The following CSNK1G2 variants were observed in gnomAD, a reference collection of about 807,000 sequenced individuals.
CSNK1G2 encodes casein kinase I isoform gamma-2.
Under a neutral mutation model 48.0 loss-of-function variants are expected in CSNK1G2, and 11 were observed. The ratio of observed to expected loss-of-function variants is 0.23; its 90% CI spans 0.14 to 0.38. The LOEUF is 0.38. Among genes scored for constraint, CSNK1G2 ranks in the 10% least tolerant of loss-of-function variants. The pLI is 1.00. For synonymous variants in CSNK1G2, 337 were observed against 254.1 expected, an observed-to-expected ratio of 1.33 and a Z score of -3.10; for missense variants, 446 against 595.5, an observed-to-expected ratio of 0.75 and a Z score of 2.61.
intron 1 of CSNK1G2, among the ~76,000 whole-genome samples, chr19:1,955,039 G>T (rs759645574): frequency 6.6e-6 from 1 of 152,148 alleles, no homozygotes; most frequent in Admixed American, 6.5e-5. Flanking sequence ...TCCAGGCCCC[G>T]GCCTTGTCTG....
chr19:1,958,026 GCGTCCTGA>G (rs1404826962), intron 1 of CSNK1G2, among the ~76,000 whole-genome samples: 1 of 152,114 alleles, frequency 6.6e-6, no homozygotes, highest in African/African-American at 2.4e-5. Flanking sequence ...GTGTTGGGAC[GCGTCCTGA>G]CGACGGCACT....
chr19:1,950,709 C>T (rs957579387), intron 1 of CSNK1G2, among the ~76,000 whole-genome samples: 3 of 145,408 alleles, frequency 2.1e-5, no homozygotes, highest in Middle Eastern at 3.4e-3. Flanking sequence ...CACCAAGGCA[C>T]CTTCTCGTGC....
intron 1 of CSNK1G2, among the ~76,000 whole-genome samples, chr19:1,948,702 G>A (rs11881644): frequency 0.13 from 19,326 of 152,124 alleles, 1,516 homozygotes; most frequent in East Asian, 0.21. Context: ...TTTTTGTACA[G>A]CTGACCCTTG....
Position 1,969,628 on chromosome 19 carries a change from C to T in CSNK1G2, c.-145C>T. On this transcript the variant is annotated 5_prime_UTR_variant, in exon 2 of 12. The change creates a premature stop within an existing upstream ORF in the 5' untranslated region. Coordinates refer to ENST00000255641, the MANE Select transcript of CSNK1G2 (RefSeq NM_001319.7). ...CTGGCCGGCCCGAACGCCTGCGTCT[C>T]AGTAGCTGGGAGCCACGGGCCCACG... 1.5e-6 allele frequency: 1 copy of T among 679,166 alleles called. No individual in the cohort carries two copies. The highest frequency in any genetic ancestry group is 3.4e-5 in the East Asian group (1 of 29,092). 42.1% of individuals were successfully genotyped at this position (679,166 alleles called of 1,614,324 possible). A position where few individuals can be genotyped will look rare whatever the true frequency, so the allele number is the denominator to read the frequency against.
intron 1 of CSNK1G2, among the ~76,000 whole-genome samples, chr19:1,955,121 C>T (rs540649154): frequency 5.9e-5 from 9 of 152,304 alleles, no homozygotes; most frequent in South Asian, 2.1e-4. Context: ...TGGTGATGGA[C>T]GGGTGCTGGG....
Position 1,979,959 on chromosome 19 carries a change from G to C in CSNK1G2, c.1135G>C (p.Gly379Arg). The C allele has an allele frequency of 6.3e-7, 1 of 1,597,028 alleles. No homozygotes were observed. Among genetic ancestry groups the C allele is most frequent in the Non-Finnish European group, 8.5e-7 (1 of 1,170,948 alleles). ...GCTGAATGCGGACGACCCCACGGCC[G>C]GCCACTCCAACGCCCCGATCACAGC... Reference protein sequence around the residue: ...GELNADDPTAGHSNAPITAPA... With the variant: ...GELNADDPTARHSNAPITAPA... The change falls in exon 11 of 12, where the codon GGC becomes CGC. Residue 379 changes from glycine (G) to arginine (R), a missense_variant. By Grantham distance (125) the Gly-to-Arg change is moderately radical (BLOSUM62 -2). Coordinates refer to ENST00000255641, the MANE Select transcript of CSNK1G2 (RefSeq NM_001319.7).
intron 1 of CSNK1G2, among the ~76,000 whole-genome samples, chr19:1,964,469 G>GCGGTTC (rs2015301640): frequency 6.6e-6 from 1 of 152,122 alleles, no homozygotes; most frequent in Non-Finnish European, 1.5e-5. Flanking sequence ...TGTGGAAGAA[G>GCGGTTC]CGGTTCCCTG....
At chr19:1,966,679 A>G (rs1333019644) in intron 1 of CSNK1G2, among the ~76,000 whole-genome samples, 1 of 152,138 alleles carries the variant, frequency 6.6e-6, no homozygotes, top group Non-Finnish European at 1.5e-5. Context: ...GAAATCTTTC[A>G]TGAAAGGAAG....
chr19:1,973,775 A>C (rs2015657554), intron 2 of CSNK1G2, among the ~76,000 whole-genome samples: 1 of 152,172 alleles, frequency 6.6e-6, no homozygotes, highest in South Asian at 2.1e-4. Flanking sequence ...TCCCATGTGC[A>C]CATTCACTTT....
chr19:1,946,503 G>A (rs1392928022), intron 1 of CSNK1G2, among the ~76,000 whole-genome samples: 1 of 151,190 alleles, frequency 6.6e-6, no homozygotes, highest in Admixed American at 6.6e-5. Flanking sequence ...GTGTTAGCCA[G>A]GATGGTCTCG....
chr19:1,966,879 T>C (rs2015381464), intron 1 of CSNK1G2, among the ~76,000 whole-genome samples: 1 of 152,260 alleles, frequency 6.6e-6, no homozygotes, highest in African/African-American at 2.4e-5. Flanking sequence ...TATTTCTTTA[T>C]TATTTATTTA....
intron 1 of CSNK1G2, among the ~76,000 whole-genome samples, chr19:1,949,223 C>T (rs2145503094): frequency 6.6e-6 from 1 of 152,352 alleles, no homozygotes; most frequent in East Asian, 1.9e-4. Context: ...CTGGCCCCAT[C>T]AGCAGCCAGC....
intron 1 of CSNK1G2, among the ~76,000 whole-genome samples, chr19:1,948,407 C>T (rs765953371): frequency 3.3e-4 from 50 of 151,946 alleles, no homozygotes; most frequent in Non-Finnish European, 5.3e-4. Flanking sequence ...CCTGTACTCC[C>T]AGCTACTCGG....
At chr19:1,965,129 C>T (rs1265615536) in intron 1 of CSNK1G2, among the ~76,000 whole-genome samples, 1 of 150,690 alleles carries the variant, frequency 6.6e-6, no homozygotes, top group African/African-American at 2.4e-5. Flanking sequence ...GGCGCGGTGG[C>T]TCACACCTGT....
chr19:1,957,335 C>A lies in CSNK1G2; in HGVS notation c.-265-12173C>A, dbSNP rs546683892. On this transcript the variant is annotated intron_variant, in intron 1 of 11. Coordinates refer to ENST00000255641, the MANE Select transcript of CSNK1G2 (RefSeq NM_001319.7). This position sits in a 1 kb window ranked among gnomAD's most constrained non-coding sequence, Gnocchi z 5.4. ...GAAGCAGTGTGTGCCCGGGAGGTCA[C>A]GTGGGCACCACAGACGAAAGTGGAG... is the stretch of plus-strand genomic sequence containing the variant. 6.6e-6 allele frequency among the ~76,000 whole-genome samples: 1 copy of A among 152,194 alleles called. No homozygotes were observed. Among genetic ancestry groups the A allele is most frequent in the Non-Finnish European group, 1.5e-5 (1 of 68,038 alleles).
rs2065824720 is a variant in CSNK1G2 at position 1,969,736 on chromosome 19, CAG to C, written c.-34_-33del. 3 of 1,261,866 alleles carry C rather than the reference CAG, an allele frequency of 2.4e-6. No homozygotes were observed. Among genetic ancestry groups the C allele is most frequent in the South Asian group, 3.9e-5 (1 of 25,712 alleles). The allele number at this position is 1,261,866 out of a possible 1,614,324, so 78.2% of individuals were successfully genotyped here. A position where few individuals can be genotyped will look rare whatever the true frequency, so the allele number is the denominator to read the frequency against. Reference sequence around the variant, plus strand: ...CAGAGACTTGGGATTTGCACGGCAGCAGAGTCACCGTGGAGAGGCCAGGGTAT... The same window carrying C: ...CAGAGACTTGGGATTTGCACGGCAGCAGTCACCGTGGAGAGGCCAGGGTAT... On this transcript the variant is annotated 5_prime_UTR_variant, in exon 2 of 12. Coordinates refer to ENST00000255641, the MANE Select transcript of CSNK1G2 (RefSeq NM_001319.7).
intron 1 of CSNK1G2, among the ~76,000 whole-genome samples, chr19:1,962,715 A>AC (rs1313559435): frequency 8.6e-5 from 13 of 151,874 alleles, no homozygotes; most frequent in Middle Eastern, 3.4e-3. Context: ...TAGAAGTCAG[A>AC]CCCCCGGGAG....
Position 1,979,044 on chromosome 19 carries a change from C to T in CSNK1G2, c.633C>T (p.Ser211=). ...ACATCCCGTACCGCGAGCACAAGAGCCTGACGGGCACGGCGCGCTACATGA... is the reference window on the plus strand; with the variant it reads ...ACATCCCGTACCGCGAGCACAAGAGTCTGACGGGCACGGCGCGCTACATGA... ...KKHIPYREHK[S]LTGTARYMSI... The change falls in exon 6 of 12, where the codon AGC becomes AGT. Residue 211 remains serine, a synonymous_variant. Coordinates refer to ENST00000255641, the MANE Select transcript of CSNK1G2 (RefSeq NM_001319.7). The T allele has an allele frequency of 6.3e-7, 1 of 1,598,132 alleles. No individual in the cohort carries two copies. The highest frequency in any genetic ancestry group is 8.5e-7 in the Non-Finnish European group (1 of 1,179,298).
At chr19:1,950,018 C>T (rs1362197883) in intron 1 of CSNK1G2, among the ~76,000 whole-genome samples, 2 of 152,262 alleles carry the variant, frequency 1.3e-5, no homozygotes, top group Admixed American at 6.5e-5. Context: ...AGGCCGGAGG[C>T]ATCCAGTGTC....
Sources: gnomAD v4.1 joint callset for allele counts (sites outside exome capture counted in the v4.1 genomes callset) on GRCh38, gnomAD v4.1.1 for gene constraint, Gnocchi (gnomAD v3.1) non-coding constraint, MANE v1.5 for transcripts, NCBI Gene and HGNC (gene_info 2026-07-23, HGNC 2026-07-21) for gene names.